TENM2: variants seen among roughly 807,000 people sequenced by gnomAD.
The protein encoded by TENM2 is teneurin transmembrane protein 2.
In TENM2, 52 loss-of-function variants were observed where a neutral mutation model predicts 245.2. The ratio of observed to expected loss-of-function variants is 0.21; its 90% CI spans 0.17 to 0.27. TENM2 has a LOEUF of 0.27. TENM2 is among the 10% of genes least tolerant of loss of function. The pLI is 1.00. For missense variants in TENM2, 3,046 were observed against 3,666.8 expected (o/e 0.83, Z 4.37); for synonymous variants, 1,363 against 1,438.9 (o/e 0.95, Z 1.19).
At chr5:168,198,961 C>A in exon 16 of TENM2, 2 of 1,614,066 alleles carry the variant, frequency 1.2e-6, no homozygotes, top group Non-Finnish European at 1.7e-6. Context: ...GCTTTTACGC[C>A]ATGGACACCC....
chr5:167,208,688 A>G, the TENM2 span, among the ~76,000 whole-genome samples: 3 of 152,226 alleles, frequency 2.0e-5, no homozygotes, highest in African/African-American at 7.2e-5. Flanking sequence ...TAATAAACGG[A>G]ACATCTTCTT....
chr5:166,984,593 G>GT, the TENM2 span, among the ~76,000 whole-genome samples: 8 of 151,924 alleles, frequency 5.3e-5, no homozygotes, highest in South Asian at 2.1e-4. Context: ...TTTGTAACAT[G>GT]TTTTTTTAAA....
At chr5:167,515,708 C>T (rs1770333950) in intron 2 of TENM2, among the ~76,000 whole-genome samples, 1 of 68,740 alleles carries the variant, frequency 1.5e-5, no homozygotes, top group East Asian at 5.1e-4. Context: ...CTCTGTTGCC[C>T]AGACTGGAGT....
chr5:167,861,191 C>T (rs1459737665), intron 2 of TENM2, among the ~76,000 whole-genome samples: 5 of 152,144 alleles, frequency 3.3e-5, no homozygotes, highest in African/African-American at 1.2e-4. Context: ...CTTTCTCTCT[C>T]TTCTCCATAG....
intron 2 of TENM2, among the ~76,000 whole-genome samples, chr5:167,745,671 A>G (rs752076993): frequency 6.6e-6 from 1 of 152,128 alleles, no homozygotes; most frequent in Admixed American, 6.6e-5. Context: ...ATTTGCTGTT[A>G]ATCTACTCTA....
intron 2 of TENM2, among the ~76,000 whole-genome samples, chr5:167,584,013 G>A (rs982743463): frequency 3.2e-4 from 48 of 152,284 alleles, no homozygotes; most frequent in African/African-American, 1.2e-3. Context: ...CCCACTCTGT[G>A]ATACTGTAAC....
At chr5:166,981,659 T>C in the TENM2 span, among the ~76,000 whole-genome samples, 49,221 of 152,034 alleles carry the variant, frequency 0.32, 8,420 homozygotes, top group Admixed American at 0.39. Flanking sequence ...CATATTCAGA[T>C]CATGAATTTA....
chr5:167,016,277 CAAACA>C, the TENM2 span, among the ~76,000 whole-genome samples: 443 of 82,194 alleles, frequency 5.4e-3, 5 homozygotes, highest in African/African-American at 0.017. Context: ...AACAAACAAA[CAAACA>C]AAAAAAAAAA....
chr5:167,609,765 A>G (rs1035835219), intron 2 of TENM2, among the ~76,000 whole-genome samples: 2 of 152,028 alleles, frequency 1.3e-5, no homozygotes, highest in African/African-American at 4.8e-5. Flanking sequence ...AAAAAAACAA[A>G]CTGTTTTTCC....
chr5:167,805,360 G>A (rs183307046), intron 2 of TENM2, among the ~76,000 whole-genome samples: 14 of 152,166 alleles, frequency 9.2e-5, no homozygotes, highest in Admixed American at 1.3e-4. Context: ...TTATACAATC[G>A]TCCTGAGAAA....
chr5:167,626,784 G>A (rs185386705), intron 2 of TENM2, among the ~76,000 whole-genome samples: 5 of 152,288 alleles, frequency 3.3e-5, no homozygotes, highest in African/African-American at 1.2e-4. Context: ...TTTCAGAAAA[G>A]GCTGGGTCTG....
chr5:167,792,847 C>G (rs927799957), intron 2 of TENM2, among the ~76,000 whole-genome samples: 2 of 152,090 alleles, frequency 1.3e-5, no homozygotes, highest in Admixed American at 6.5e-5. Context: ...GAGTTTTGCT[C>G]TAGGTCCAGT....
chr5:167,702,552 G>GTGTGTATATATATA (rs58351767), intron 2 of TENM2, among the ~76,000 whole-genome samples: 3 of 136,782 alleles, frequency 2.2e-5, no homozygotes, highest in Non-Finnish European at 4.6e-5. Flanking sequence ...GTGTGTGTGT[G>GTGTGTATATATATA]TATATATATA....
chr5:167,701,356 T>C (rs1323325003), intron 2 of TENM2, among the ~76,000 whole-genome samples: 1 of 151,946 alleles, frequency 6.6e-6, no homozygotes, highest in Non-Finnish European at 1.5e-5. Context: ...GGTAGAACCA[T>C]GTGATGTTGG....
At chr5:167,757,077 T>C (rs891891367) in intron 2 of TENM2, among the ~76,000 whole-genome samples, 1 of 150,104 alleles carries the variant, frequency 6.7e-6, no homozygotes, top group South Asian at 2.1e-4. Context: ...TTATATTTTT[T>C]ATTTTTTTAT....
rs759444755 is a variant in TENM2 at position 168,203,671 on chromosome 5, AC to A, written c.3431-14del. The stretch of plus-strand genomic sequence containing the variant: ...TCTCTCTTTTCTCTCACTCTGCCCC[AC>A]CCCTTTTATCTTTCAGTGTCTGTCG... On this transcript the variant is annotated splice_polypyrimidine_tract_variant and intron_variant, in intron 17 of 28. Coordinates refer to ENST00000518659, the Ensembl canonical transcript of TENM2. 6.3e-7 allele frequency: 1 copy of A among 1,580,952 alleles called. No homozygotes were observed.
At chr5:168,032,171 G>A (rs1787206912) in intron 5 of TENM2, among the ~76,000 whole-genome samples, 1 of 152,170 alleles carries the variant, frequency 6.6e-6, no homozygotes, top group African/African-American at 2.4e-5. Flanking sequence ...AGTTCCCATA[G>A]TTAAGCTAAA....
intron 2 of TENM2, among the ~76,000 whole-genome samples, chr5:167,842,182 C>T (rs1259969997): frequency 4.6e-5 from 7 of 152,052 alleles, no homozygotes; most frequent in Non-Finnish European, 8.8e-5. Context: ...AAGAAGCATT[C>T]GGCCTCATGG....
intron 3 of TENM2, among the ~76,000 whole-genome samples, chr5:167,902,008 A>G (rs1775744977): frequency 6.6e-6 from 1 of 152,216 alleles, no homozygotes; most frequent in Non-Finnish European, 1.5e-5. Context: ...CCATATCCTA[A>G]GTAATCGTCC....
Sources: allele counts gnomAD v4.1 joint callset (sites outside exome capture counted in the v4.1 genomes callset), GRCh38; gene constraint gnomAD v4.1.1; transcripts MANE v1.5; gene names NCBI Gene and HGNC (gene_info 2026-07-23, HGNC 2026-07-21).